Variants in MACROD2 observed in about 807,000 individuals in gnomAD.
MACROD2 encodes mono-ADP ribosylhydrolase 2, also known as ADP-ribose glycohydrolase MACROD2.
MACROD2 carries 36 observed loss-of-function variants against 70.4 expected under a neutral mutation model. The observed-to-expected ratio is 0.51, with a 90% CI of 0.39 to 0.68. MACROD2 has a LOEUF of 0.68. Ranked by LOEUF, MACROD2 falls within the 30% of genes least tolerant of loss-of-function variation. The probability of loss-of-function intolerance (pLI) is 0.00; values close to 1 mark genes in which losing one functional copy is unlikely to be tolerated. For synonymous variants in MACROD2, 172 were observed against 178.8 expected (o/e 0.96, Z 0.30); for missense variants, 496 against 538.4 (o/e 0.92, Z 0.78).
intron 6 of MACROD2, among the ~76,000 whole-genome samples, chr20:15,323,823 C>T: frequency 6.6e-6 from 1 of 152,054 alleles, no homozygotes; most frequent in Admixed American, 6.6e-5. Flanking sequence ...TGTCTAATGC[C>T]ATCACACTCC....
At chr20:14,639,715 A>G (rs1600488388) in intron 4 of MACROD2, among the ~76,000 whole-genome samples, 2 of 152,214 alleles carry the variant, frequency 1.3e-5, no homozygotes, top group South Asian at 4.1e-4. Flanking sequence ...ACTCTACACC[A>G]TCAAAAGTAG....
chr20:14,781,472 C>T (rs548249175), intron 5 of MACROD2, among the ~76,000 whole-genome samples: 1 of 146,208 alleles, frequency 6.8e-6, no homozygotes, highest in Admixed American at 7.0e-5. Context: ...AGTGACTTCT[C>T]TTCCATCTAG....
intron 3 of MACROD2, among the ~76,000 whole-genome samples, chr20:14,267,900 C>T (rs6110221): frequency 0.02 from 3,084 of 152,056 alleles, 94 homozygotes; most frequent in African/African-American, 0.071. Flanking sequence ...GGGCAAGAAT[C>T]TTAGCTTAAA....
At chr20:14,173,602 A>G (rs2081240857) in intron 3 of MACROD2, among the ~76,000 whole-genome samples, 1 of 151,948 alleles carries the variant, frequency 6.6e-6, no homozygotes, top group Admixed American at 6.6e-5. Flanking sequence ...CGACCTTCTG[A>G]ATTCTTTTTC....
intron 3 of MACROD2, among the ~76,000 whole-genome samples, chr20:14,307,967 CAATT>C (rs1229454955): frequency 1.3e-5 from 2 of 152,162 alleles, no homozygotes; most frequent in East Asian, 3.9e-4. Flanking sequence ...ACAATTTTGA[CAATT>C]AAGGCATAAA....
chr20:15,546,330 T>C (rs1429020329), intron 8 of MACROD2, among the ~76,000 whole-genome samples: 2 of 152,206 alleles, frequency 1.3e-5, no homozygotes, highest in Non-Finnish European at 2.9e-5. Context: ...TGACTGTAAA[T>C]GGATTTTCTC....
intron 10 of MACROD2, among the ~76,000 whole-genome samples, chr20:15,918,466 G>A (rs2065353050): frequency 6.6e-6 from 1 of 152,128 alleles, no homozygotes; most frequent in African/African-American, 2.4e-5. Flanking sequence ...TATGTCACAA[G>A]ACAGCATTTG....
chr20:16,041,157 A>G (rs1382286577), intron 15 of MACROD2, 44 bp from the exon 16 acceptor site: 15 of 1,539,880 alleles, frequency 9.7e-6, no homozygotes, highest in Non-Finnish European at 1.3e-5. Flanking sequence ...TCAGGCTGTT[A>G]TAATTCTCTA....
At chr20:14,089,628 G>T (rs558696457) in intron 3 of MACROD2, among the ~76,000 whole-genome samples, 1 of 152,236 alleles carries the variant, frequency 6.6e-6, no homozygotes, top group African/African-American at 2.4e-5. Context: ...AGGAAATTAT[G>T]CATATTTAGT....
At chr20:14,940,148 C>CAAAAAAAAAAAAAAA (rs57697517) in intron 5 of MACROD2, among the ~76,000 whole-genome samples, 1 of 55,106 alleles carries the variant, frequency 1.8e-5, no homozygotes, top group African/African-American at 4.7e-5. Context: ...CTCATCTCTG[C>CAAAAAAAAAAAAAAA]AAAAAAAAAA....
At chr20:16,032,891 A>G (rs960412408) in intron 15 of MACROD2, among the ~76,000 whole-genome samples, 2 of 151,778 alleles carry the variant, frequency 1.3e-5, no homozygotes, top group Admixed American at 1.3e-4. Flanking sequence ...AGAGGAGGGG[A>G]AGACTCTGGA....
chr20:14,231,966 C>T (rs1284500726), intron 3 of MACROD2, among the ~76,000 whole-genome samples: 2 of 152,290 alleles, frequency 1.3e-5, no homozygotes, highest in African/African-American at 4.8e-5. Context: ...TCATGTCCTT[C>T]TCCCACTTGT....
At chr20:14,981,611 TA>T (rs2074801732) in intron 5 of MACROD2, among the ~76,000 whole-genome samples, 2 of 152,048 alleles carry the variant, frequency 1.3e-5, no homozygotes, top group Non-Finnish European at 2.9e-5. Flanking sequence ...GTTCTTGTGA[TA>T]GTGAATAAGT....
chr20:15,765,267 A>C lies in MACROD2; in HGVS notation c.646-97478A>C, dbSNP rs146055194. On this transcript the variant is annotated intron_variant, in intron 8 of 17. Coordinates refer to ENST00000684519, the MANE Select transcript of MACROD2 (RefSeq NM_001351661.2). ...CCTTATTATTATTTTTAATGCAAAC[A>C]AAACGGCCTCTGCTGCCAGTTCAAA... is the stretch of plus-strand genomic sequence containing the variant. Among the ~76,000 whole-genome samples, 11 of 152,286 alleles carry C rather than the reference A, an allele frequency of 7.2e-5. No individual in the cohort carries two copies. The East Asian group carries it at 2.1e-3, about 29-fold the overall frequency.
chr20:15,471,489 C>G (rs1000356591), intron 7 of MACROD2, among the ~76,000 whole-genome samples: 2 of 152,176 alleles, frequency 1.3e-5, no homozygotes, highest in Admixed American at 6.5e-5. Context: ...GGGACTGAGA[C>G]AGTAACTTAC....
intron 4 of MACROD2, among the ~76,000 whole-genome samples, chr20:14,647,483 A>G (rs906680506): frequency 2.6e-5 from 4 of 152,188 alleles, no homozygotes; most frequent in Admixed American, 6.5e-5. Context: ...ACATATTTCA[A>G]TGCATTGCAA....
At chr20:14,342,787 C>T (rs998538438) in intron 3 of MACROD2, among the ~76,000 whole-genome samples, 1 of 152,018 alleles carries the variant, frequency 6.6e-6, no homozygotes, top group Admixed American at 6.6e-5. Flanking sequence ...AACTATATTC[C>T]CAAAACATTC....
chr20:14,857,750 A>G (rs966002099), intron 5 of MACROD2, among the ~76,000 whole-genome samples: 1 of 152,212 alleles, frequency 6.6e-6, no homozygotes, highest in Non-Finnish European at 1.5e-5. Flanking sequence ...TTAAACATTA[A>G]TAATGAACAA....
At chr20:15,339,044 G>T (rs1343529221) in intron 6 of MACROD2, among the ~76,000 whole-genome samples, 1 of 151,592 alleles carries the variant, frequency 6.6e-6, no homozygotes, top group Non-Finnish European at 1.5e-5. Flanking sequence ...ATTATAGCTG[G>T]CCTCTAGCAA....
Sources: allele counts gnomAD v4.1 joint callset (sites outside exome capture counted in the v4.1 genomes callset), GRCh38; gene constraint gnomAD v4.1.1; transcripts MANE v1.5; gene names NCBI Gene and HGNC (gene_info 2026-07-23, HGNC 2026-07-21).